ZNF546: variants seen among roughly 807,000 people sequenced by gnomAD.
The protein encoded by ZNF546 is zinc finger protein 546.
In ZNF546, 60 loss-of-function variants were observed where a neutral mutation model predicts 76.2. That is an observed-to-expected ratio of 0.79 (90% CI 0.64 to 0.98). The LOEUF (loss-of-function observed/expected upper bound fraction) is 0.98, where lower values mean the gene tolerates loss of function less well. ZNF546 is among the 50% of genes least tolerant of loss of function. ZNF546 has a pLI of 0.00. For synonymous variants in ZNF546, 277 were observed against 328.1 expected, an observed-to-expected ratio of 0.84 and a Z score of 1.68; for missense variants, 936 against 1,035.6, an observed-to-expected ratio of 0.90 and a Z score of 1.32.
At chr19:40,004,537 A>G (rs1042579290) in intron 3 of ZNF546, among the ~76,000 whole-genome samples, 4 of 152,134 alleles carry the variant, frequency 2.6e-5, no homozygotes, top group Non-Finnish European at 4.4e-5. Context: ...CCAGCGTGCT[A>G]GGATTACAGG....
At position 40,015,175 on chromosome 19, in the gene ZNF546, A is replaced by G; in HGVS notation, c.1905A>G (p.Lys635=). The G allele has an allele frequency of 6.2e-7, 1 of 1,613,830 alleles. No homozygotes were observed. The highest frequency in any genetic ancestry group is 8.5e-7 in the Non-Finnish European group (1 of 1,179,964). The part of the protein sequence containing the change: ...TQHHRIHTGE[K]PYKCTECGKA... The stretch of plus-strand genomic sequence containing the variant: ...ATCACAGAATTCATACTGGTGAAAA[A>G]CCCTATAAATGTACAGAATGTGGGA... The change falls in exon 7 of 7, where the codon AAA becomes AAG. Residue 635 remains lysine, a synonymous_variant. Transcript: ENST00000347077.
At chr19:40,002,942 C>T (rs144480873) in intron 3 of ZNF546, among the ~76,000 whole-genome samples, 47 of 152,232 alleles carry the variant, frequency 3.1e-4, no homozygotes, top group African/African-American at 8.7e-4. Context: ...TCAAAAGATC[C>T]GCCCACCTTG....
At chr19:40,000,511 T>C (rs1453840005) in intron 3 of ZNF546, among the ~76,000 whole-genome samples, 2 of 150,610 alleles carry the variant, frequency 1.3e-5, no homozygotes, top group East Asian at 2.0e-4. Flanking sequence ...TAATCCCAGC[T>C]GCTTGGGAGG....
chr19:39,997,894 A>G lies in ZNF546; in HGVS notation c.-101A>G, dbSNP rs893224576. 4.4e-5 allele frequency: 7 copies of G among 159,146 alleles called. No individual in the cohort carries two copies. Among genetic ancestry groups the G allele is most frequent in the African/African-American group, 1.7e-4 (7 of 41,696 alleles). 9.9% of individuals were successfully genotyped at this position (159,146 alleles called of 1,614,324 possible). On this transcript the variant is annotated 5_prime_UTR_variant, in exon 2 of 7. Coordinates refer to ENST00000347077, the MANE Select transcript of ZNF546 (RefSeq NM_178544.5). ...AAAAGGAGGGAACAATTGTTGTAGC[A>G]GGTCTAAAAGTTCAGGTCCAGGTAA...
intron 3 of ZNF546, 193 bp downstream of exon 3, chr19:39,998,603 G>A (rs1189514731): frequency 7.3e-6 from 4 of 550,344 alleles, no homozygotes; most frequent in Admixed American, 3.1e-5. Flanking sequence ...AAGGCTTTTA[G>A]AAGTGGGAAT....
At chr19:40,006,687 G>T (rs1318040044) in intron 4 of ZNF546, among the ~76,000 whole-genome samples, 6 of 152,160 alleles carry the variant, frequency 3.9e-5, no homozygotes, top group African/African-American at 1.4e-4. Context: ...CCTAATGATG[G>T]CTGGAAATAG....
In ZNF546 at chr19:40,014,000, C is replaced by T. The variant is rs1971709303; in HGVS notation, c.730C>T (p.Pro244Ser). The T allele has an allele frequency of 1.2e-6, 2 of 1,612,794 alleles. No homozygotes were observed. Among genetic ancestry groups the T allele is most frequent in the Non-Finnish European group, 1.7e-6 (2 of 1,179,190 alleles). The change falls in exon 7 of 7, where the codon CCC becomes TCC. Residue 244 changes from proline to serine, a missense_variant. Transcript: ENST00000347077. ...TCTGAGAATTCACACTGGTGAGAGA[C>T]CCTATAAATGTATGGAATGTGGAAA... ...QHLRIHTGER[P>S]YKCMECGKAF...
intron 3 of ZNF546, 120 bp from the exon 4 acceptor site, chr19:40,005,976 T>C (rs1030997212): frequency 1.8e-5 from 15 of 855,402 alleles, no homozygotes; most frequent in Non-Finnish European, 2.3e-5. Flanking sequence ...CCCCAGTTTA[T>C]ATGCGCAGAA....
rs1002812547 is a variant in ZNF546, at chr19:40,016,703, T to C, written c.*922T>C. ...GCAGAGACCAGAAGCAAACAATTTGTGGGCCAGTGTCAACACATGGACCAC... is the reference window on the plus strand; with the variant it reads ...GCAGAGACCAGAAGCAAACAATTTGCGGGCCAGTGTCAACACATGGACCAC... On this transcript the variant is annotated 3_prime_UTR_variant, in exon 7 of 7. Coordinates refer to ENST00000347077, the MANE Select transcript of ZNF546 (RefSeq NM_178544.5). 3.3e-5 allele frequency: 5 copies of C among 152,226 alleles called. No individual in the cohort carries two copies. Among genetic ancestry groups the C allele is most frequent in the Non-Finnish European group, 7.3e-5 (5 of 68,044 alleles). The allele number at this position is 152,226 out of a possible 1,614,324, so 9.4% of individuals were successfully genotyped here.
intron 5 of ZNF546, among the ~76,000 whole-genome samples, chr19:40,008,254 G>C (rs751896663): frequency 2.0e-5 from 3 of 151,966 alleles, no homozygotes; most frequent in Non-Finnish European, 4.4e-5. Context: ...AGACCTTTTC[G>C]CTCTCTCACC....
At position 39,999,136 on chromosome 19, in the gene ZNF546, A is replaced by G. The variant is rs528427371; in HGVS notation, c.84+726A>G. Among the ~76,000 whole-genome samples, 18 of 152,368 alleles carry G rather than the reference A, an allele frequency of 1.2e-4. No individual in the cohort carries two copies. In the South Asian group the frequency reaches 3.3e-3, roughly 28 times the overall value. On this transcript the variant is annotated intron_variant, in intron 3 of 6. Coordinates refer to ENST00000347077, the MANE Select transcript of ZNF546 (RefSeq NM_178544.5). ...GATTTAAAGACATTTAACAAGCATT[A>G]TATCTAAATTAACATTTCAACTGAT...
intron 3 of ZNF546, among the ~76,000 whole-genome samples, chr19:40,003,707 T>C (rs1971559253): frequency 6.6e-6 from 1 of 152,006 alleles, no homozygotes; most frequent in Non-Finnish European, 1.5e-5. Context: ...AAAAAGACAT[T>C]CAGTAAAAAT....
chr19:40,002,614 G>C (rs1423741361), intron 3 of ZNF546, among the ~76,000 whole-genome samples: 1 of 151,914 alleles, frequency 6.6e-6, no homozygotes, highest in Non-Finnish European at 1.5e-5. Context: ...TGATGGATTT[G>C]TTCTATGTTT....
intron 3 of ZNF546, among the ~76,000 whole-genome samples, chr19:40,004,258 A>G (rs908598267): frequency 2.6e-5 from 4 of 151,290 alleles, no homozygotes; most frequent in Admixed American, 2.0e-4. Context: ...GCCGGTGTGT[A>G]TATTTTAAAT....
intron 3 of ZNF546, among the ~76,000 whole-genome samples, chr19:40,002,361 T>C (rs1971540968): frequency 6.6e-6 from 1 of 152,202 alleles, no homozygotes; most frequent in Non-Finnish European, 1.5e-5. Context: ...TGCCAAAAAT[T>C]GGAATTTTAG....
At chr19:40,006,383 A>C (rs2144642585) in intron 4 of ZNF546, among the ~76,000 whole-genome samples, 1 of 152,278 alleles carries the variant, frequency 6.6e-6, no homozygotes. Flanking sequence ...ATCTGTGCTC[A>C]AACATTGTCT....
rs1971681792 is a variant in ZNF546 at position 40,012,275 on chromosome 19, G to A, written c.395-1390G>A. On this transcript the variant is annotated intron_variant, in intron 6 of 6. Coordinates refer to ENST00000347077, the MANE Select transcript of ZNF546 (RefSeq NM_178544.5). ...AGGTAACAATAGGTAATTGGAAAAT[G>A]ATGAAATACAAAAATGACTTTTCCA... is the stretch of plus-strand genomic sequence containing the variant. 2.6e-5 allele frequency among the ~76,000 whole-genome samples: 4 copies of A among 152,196 alleles called. No individual in the cohort carries two copies. The South Asian group carries it at 8.3e-4, about 31-fold the overall frequency.
rs1242597215 is a variant in ZNF546, at chr19:40,008,512, A to G, written c.341A>G (p.Gln114Arg). 1.9e-6 allele frequency: 3 copies of G among 1,612,854 alleles called. No homozygotes were observed. The highest frequency in any genetic ancestry group is 2.5e-6 in the Non-Finnish European group (3 of 1,179,072). ...CCAGATGTGATTACTTTATTGGAGC[A>G]AGAGAAAGAGCCCTGGATAGTAATG... The part of the protein sequence containing the change: ...PKPDVITLLE[Q>R]EKEPWIVMRE... The change falls in exon 6 of 7, where the codon CAA (glutamine) becomes CGA (arginine). Residue 114 changes from glutamine to arginine, a missense_variant. Gln to Arg is a conservative substitution (Grantham distance 43, BLOSUM62 1). Transcript: ENST00000347077.
chr19:40,006,037 A>T, intron 3 of ZNF546, 59 bp from the exon 4 acceptor site: 1 of 1,396,618 alleles, frequency 7.2e-7, no homozygotes, highest in East Asian at 2.3e-5. Flanking sequence ...TATTAACTTA[A>T]GTCATTTTAG....
Sources: allele counts gnomAD v4.1 joint callset (sites outside exome capture counted in the v4.1 genomes callset), GRCh38; gene constraint gnomAD v4.1.1; transcripts MANE v1.5; gene names NCBI Gene and HGNC (gene_info 2026-07-23, HGNC 2026-07-21).